The following ZFP28 variants were observed in gnomAD, a reference collection of about 807,000 sequenced individuals.
ZFP28 encodes zinc finger protein 28 homolog.
Under a neutral mutation model 39.5 loss-of-function variants are expected in ZFP28, and 31 were observed. The ratio of observed to expected loss-of-function variants is 0.79; its 90% CI spans 0.59 to 1.06. The LOEUF is 1.06. Among genes scored for constraint, ZFP28 ranks in the 50% least tolerant of loss-of-function variants. The pLI is 0.00. For missense variants in ZFP28, 925 were observed against 1,048.4 expected, an observed-to-expected ratio of 0.88 and a Z score of 1.63; for synonymous variants, 400 against 378.6, an observed-to-expected ratio of 1.06 and a Z score of -0.66.
At chr19:56,541,487 A>C (rs551698326) in intron 2 of ZFP28, among the ~76,000 whole-genome samples, 1 of 152,186 alleles carries the variant, frequency 6.6e-6, no homozygotes, top group East Asian at 1.9e-4. Context: ...AGAGGGGTCT[A>C]TTCAAACATG....
At chr19:56,549,960 C>A in intron 5 of ZFP28, 107 bp from the exon 6 acceptor site, 1 of 755,570 alleles carries the variant, frequency 1.3e-6, no homozygotes. Flanking sequence ...AGTTGCAGTT[C>A]TTGGTATGGA....
At chr19:56,538,322 C>G (rs1406202603), upstream of ZFP28, 1 of 152,438 alleles carries the variant, frequency 6.6e-6, no homozygotes, top group East Asian at 1.9e-4. Flanking sequence ...GGCAGTGACG[C>G]TCCCGCAAGG....
chr19:56,542,098 A>G (rs757061300), intron 2 of ZFP28, among the ~76,000 whole-genome samples: 4 of 151,954 alleles, frequency 2.6e-5, no homozygotes, highest in East Asian at 1.9e-4. Context: ...TTCATCAGCC[A>G]TGTGGAGCCT....
chr19:56,543,628 G>A (rs974979439), intron 2 of ZFP28, among the ~76,000 whole-genome samples: 1 of 151,950 alleles, frequency 6.6e-6, no homozygotes, highest in South Asian at 2.1e-4. Context: ...AGTAGATTCT[G>A]TGCCTGTATA....
intron 6 of ZFP28, 108 bp from the exon 7 acceptor site, chr19:56,550,402 T>C (rs1332982498): frequency 9.6e-7 from 1 of 1,042,292 alleles, no homozygotes; most frequent in African/African-American, 1.6e-5. Flanking sequence ...TACTCACCTG[T>C]TTTTCTGTTT....
intron 2 of ZFP28, among the ~76,000 whole-genome samples, chr19:56,542,844 CA>C (rs2044207869): frequency 2.0e-5 from 3 of 152,038 alleles, no homozygotes; most frequent in African/African-American, 7.2e-5. Context: ...TAGATAATTG[CA>C]GCCTCAAACT....
At position 56,550,852 on chromosome 19, in the gene ZFP28, G is replaced by C. The variant is rs2044294859; in HGVS notation, c.898+247G>C. The C allele has an allele frequency of 2.1e-6, 3 of 1,453,588 alleles. No individual in the cohort carries two copies. The East Asian group carries it at 7.4e-5, about 36-fold the overall frequency. The allele number at this position is 1,453,588 out of a possible 1,614,324, so 90.0% of individuals were successfully genotyped here. ...CCACTGGGACGTGTATCATCCACTT[G>C]CTTCCTTAAATGATCTTTTCTGGAC... On this transcript the variant is annotated intron_variant, in intron 7 of 7. Transcript: ENST00000301318.
intron 7 of ZFP28, chr19:56,551,996 C>T (rs1000542410): frequency 2.1e-5 from 20 of 957,182 alleles, no homozygotes; most frequent in Non-Finnish European, 2.4e-5. Flanking sequence ...TTATATAGTC[C>T]AGTATATTAT....
rs1160208444 is a variant in ZFP28, at chr19:56,556,405, T to C, written c.*1013T>C. ...CTACTGTCTGATCCTACACAGAAAA[T>C]GTGTGTGATCCCTGCTATGGAGCAG... On this transcript the variant is annotated 3_prime_UTR_variant, in exon 8 of 8. Transcript: ENST00000301318. 6.6e-6 allele frequency: 1 copy of C among 152,090 alleles called. No individual in the cohort carries two copies. The highest frequency in any genetic ancestry group is 1.5e-5 in the Non-Finnish European group (1 of 68,022). 9.4% of individuals were successfully genotyped at this position (152,090 alleles called of 1,614,324 possible). A position where few individuals can be genotyped will look rare whatever the true frequency, so the allele number is the denominator to read the frequency against.
intron 2 of ZFP28, among the ~76,000 whole-genome samples, chr19:56,541,404 G>A (rs530100871): frequency 6.6e-6 from 1 of 152,208 alleles, no homozygotes; most frequent in South Asian, 2.1e-4. Flanking sequence ...TTTTACTGTG[G>A]GCTTCTTGAC....
intron 2 of ZFP28, among the ~76,000 whole-genome samples, chr19:56,543,418 G>A (rs1189122970): frequency 6.7e-6 from 1 of 149,940 alleles, no homozygotes; most frequent in Non-Finnish European, 1.5e-5. Flanking sequence ...TAAGAGATGG[G>A]AGTCTCACTG....
chr19:56,539,738 TGTCTC>T, intron 2 of ZFP28, 22 bp downstream of exon 2: 1 of 1,604,584 alleles, frequency 6.2e-7, no homozygotes, highest in Non-Finnish European at 8.5e-7. Context: ...TTTCATCTCT[TGTCTC>T]TGAAATGCAG....
intron 5 of ZFP28, among the ~76,000 whole-genome samples, chr19:56,549,659 A>G (rs998115588): frequency 6.6e-6 from 1 of 152,044 alleles, no homozygotes; most frequent in African/African-American, 2.4e-5. Flanking sequence ...CCTGGGTGAC[A>G]GAGCAAGACT....
rs755679460 is a variant in ZFP28 at position 56,550,487 on chromosome 19, C to T, written c.803-23C>T. ...AGGATGCCAAGACTATTGGCCAAAC[C>T]TCATCTCTTTTCACTTTTTCAGGAC... On this transcript the variant is annotated intron_variant, in intron 6 of 7. Transcript: ENST00000301318. 1.7e-5 allele frequency: 27 copies of T among 1,606,548 alleles called. No homozygotes were observed. In the East Asian group the frequency reaches 6.0e-4, roughly 36 times the overall value.
At chr19:56,551,646 A>G in intron 7 of ZFP28, 1 of 985,440 alleles carries the variant, frequency 1.0e-6, no homozygotes, top group Non-Finnish European at 1.2e-6. Context: ...AATTAGATGT[A>G]TGAGTTTAAT....
chr19:56,544,443 C>T (rs1214758946), intron 2 of ZFP28: 2 of 152,272 alleles, frequency 1.3e-5, no homozygotes, highest in African/African-American at 4.8e-5. Flanking sequence ...TTATCTATGA[C>T]TGCTTTTGTG....
intron 2 of ZFP28, among the ~76,000 whole-genome samples, chr19:56,542,555 A>C (rs1600539882): frequency 6.6e-6 from 1 of 152,300 alleles, no homozygotes; most frequent in Middle Eastern, 3.4e-3. Flanking sequence ...TATTTTACTT[A>C]ATTTATCTCA....
Position 56,553,970 on chromosome 19 carries a change from T to C in ZFP28, c.1185T>C (p.Arg395=), listed in dbSNP as rs1180496276. The change falls in exon 8 of 8, where the codon CGT becomes CGC. Residue 395 remains arginine, a synonymous_variant. Transcript: ENST00000301318. ...ATTCAGAAGAGAAAGTTCATAATCG[T>C]GATTCAATTAAAAATTTTCAAAAAA... ...LDDSEEKVHN[R]DSIKNFQKSS... The C allele has an allele frequency of 8.1e-6, 13 of 1,611,532 alleles. No individual in the cohort carries two copies. Among genetic ancestry groups the C allele is most frequent in the Non-Finnish European group, 1.1e-5 (13 of 1,179,452 alleles).
chr19:56,538,987 G>C lies in ZFP28; in HGVS notation c.-32G>C. 7.2e-7 allele frequency: 1 copy of C among 1,379,554 alleles called. No homozygotes were observed. The highest frequency in any genetic ancestry group is 9.3e-7 in the Non-Finnish European group (1 of 1,071,174). 85.5% of individuals were successfully genotyped at this position (1,379,554 alleles called of 1,614,324 possible). ...CAGGGGTGTGGGTCTGTGAGGGACC[G>C]GTCGGAAGGGCGTCGCGCGGCCTCG... is the stretch of plus-strand genomic sequence containing the variant. On this transcript the variant is annotated 5_prime_UTR_variant, in exon 1 of 8. Transcript: ENST00000301318.
Sources: gnomAD v4.1 joint callset for allele counts (sites outside exome capture counted in the v4.1 genomes callset) on GRCh38, gnomAD v4.1.1 for gene constraint, MANE v1.5 for transcripts, NCBI Gene and HGNC (gene_info 2026-07-23, HGNC 2026-07-21) for gene names.